Variants in SLC26A7 observed in about 807,000 individuals in gnomAD.
SLC26A7 encodes the protein solute carrier family 26 member 7.
In SLC26A7, 59 loss-of-function variants were observed where a neutral mutation model predicts 82.5. The observed-to-expected ratio is 0.72, with a 90% confidence interval of 0.58 to 0.89. The LOEUF (loss-of-function observed/expected upper bound fraction) is 0.89. SLC26A7 is among the 40% of genes least tolerant of loss of function. The pLI, the probability that SLC26A7 is intolerant of heterozygous loss-of-function variation, is 0.00. For missense variants in SLC26A7, 820 were observed against 793.0 expected, an observed-to-expected ratio of 1.03 and a Z score of -0.41; for synonymous variants, 271 against 274.3, an observed-to-expected ratio of 0.99 and a Z score of 0.12.
At chr8:91,341,103 C>T (rs1364846364) in intron 8 of SLC26A7, among the ~76,000 whole-genome samples, 1 of 151,818 alleles carries the variant, frequency 6.6e-6, no homozygotes, top group Non-Finnish European at 1.5e-5. Flanking sequence ...CGTCATCTAG[C>T]GTTAGGTATA....
chr8:91,274,125 G>C (rs1811343773), intron 2 of SLC26A7, among the ~76,000 whole-genome samples: 1 of 152,076 alleles, frequency 6.6e-6, no homozygotes, highest in Non-Finnish European at 1.5e-5. Flanking sequence ...AAACAAATGA[G>C]AGAATATAAG....
intron 5 of SLC26A7, among the ~76,000 whole-genome samples, chr8:91,324,746 C>A (rs1329036837): frequency 6.6e-6 from 1 of 152,004 alleles, no homozygotes; most frequent in Admixed American, 6.6e-5. Context: ...GGAAACAAGG[C>A]GGTGTGATTG....
intron 11 of SLC26A7, among the ~76,000 whole-genome samples, chr8:91,360,679 T>C (rs1235757165): frequency 6.6e-6 from 1 of 152,176 alleles, no homozygotes; most frequent in Non-Finnish European, 1.5e-5. Context: ...CTCCAGGCTC[T>C]ATGGTTTTTT....
At chr8:91,355,283 T>A (rs565556466) in intron 11 of SLC26A7, among the ~76,000 whole-genome samples, 1 of 152,268 alleles carries the variant, frequency 6.6e-6, no homozygotes, top group East Asian at 1.9e-4. Flanking sequence ...AGTCTCAAAT[T>A]TCTGAGCATG....
At chr8:91,313,888 A>C (rs1185364121) in intron 4 of SLC26A7, among the ~76,000 whole-genome samples, 1 of 152,220 alleles carries the variant, frequency 6.6e-6, no homozygotes, top group Non-Finnish European at 1.5e-5. Context: ...GGCTAATATA[A>C]TTGTTTCCTA....
At chr8:91,339,450 C>T (rs1813338654) in intron 7 of SLC26A7, among the ~76,000 whole-genome samples, 1 of 152,054 alleles carries the variant, frequency 6.6e-6, no homozygotes, top group Non-Finnish European at 1.5e-5. Context: ...AAATAAATTA[C>T]CTAACCTTTC....
At chr8:91,390,167 G>A (rs1177438255) in intron 16 of SLC26A7, among the ~76,000 whole-genome samples, 2 of 149,808 alleles carry the variant, frequency 1.3e-5, no homozygotes, top group African/African-American at 5.0e-5. Flanking sequence ...CTGGAGTGCA[G>A]TGGCGCGATC....
intron 13 of SLC26A7, 143 bp downstream of exon 13, chr8:91,363,681 G>A: frequency 2.1e-6 from 1 of 469,408 alleles, no homozygotes. Context: ...TGGTACATAT[G>A]TGATCACAAT....
chr8:91,218,386 G>T (rs981438959), intron 1 of SLC26A7, among the ~76,000 whole-genome samples: 28 of 80,612 alleles, frequency 3.5e-4, no homozygotes, highest in Non-Finnish European at 6.7e-4. Flanking sequence ...TTTAATTCAT[G>T]TATTAGGCAA....
Position 91,298,054 on chromosome 8 carries a change from GC to G in SLC26A7, c.477+2352del, listed in dbSNP as rs549484086. Among the ~76,000 whole-genome samples, 17 of 152,196 alleles carry G rather than the reference GC, an allele frequency of 1.1e-4. 1 individual carries two copies. The South Asian group carries it at 2.5e-3, about 22-fold the overall frequency. ...GGCTTACACCATAAAGATATTTATT[GC>G]TTCTTGTATTACAGGAAGTTATAGA... On this transcript the variant is annotated intron_variant, in intron 4 of 18. Coordinates refer to ENST00000276609, the MANE Select transcript of SLC26A7 (RefSeq NM_052832.4).
chr8:91,372,411 A>G (rs1814389695), intron 15 of SLC26A7, among the ~76,000 whole-genome samples: 1 of 151,996 alleles, frequency 6.6e-6, no homozygotes, highest in Admixed American at 6.6e-5. Flanking sequence ...ATTTTTGTAT[A>G]TGATGGAAGT....
rs545792810 is a variant in SLC26A7 at position 91,331,083 on chromosome 8, C to T, written c.643-3212C>T. ...AAGGTGCATGTCTGTGTTCTAATCT[C>T]TTCTCAGTCATTTTGGATTAGGGCC... On this transcript the variant is annotated intron_variant, in intron 5 of 18. Transcript: ENST00000276609. 2.0e-5 allele frequency among the ~76,000 whole-genome samples: 3 copies of T among 152,148 alleles called. No homozygotes were observed. The South Asian group carries it at 6.2e-4, about 32-fold the overall frequency.
chr8:91,352,816 CA>C, intron 10 of SLC26A7, 84 bp from the exon 11 acceptor site: 3 of 1,116,128 alleles, frequency 2.7e-6, no homozygotes, highest in South Asian at 1.4e-5. Context: ...ACTTTAAAAA[CA>C]AAAAAATAAA....
At chr8:91,250,747 C>T (rs1014700647) in intron 2 of SLC26A7, among the ~76,000 whole-genome samples, 28 of 152,028 alleles carry the variant, frequency 1.8e-4, no homozygotes, top group Admixed American at 1.2e-3. Flanking sequence ...ATTATAAGCA[C>T]TCTTTTAATT....
intron 2 of SLC26A7, among the ~76,000 whole-genome samples, chr8:91,221,887 G>GTT (rs201824363): frequency 2.6e-5 from 4 of 151,552 alleles, no homozygotes; most frequent in African/African-American, 9.7e-5. Context: ...ATTTAAAATA[G>GTT]TTTTTTTTTA....
chr8:91,313,532 A>G (rs908107077), intron 4 of SLC26A7, among the ~76,000 whole-genome samples: 2 of 152,226 alleles, frequency 1.3e-5, no homozygotes, highest in African/African-American at 4.8e-5. Context: ...TCTTTCCCCC[A>G]AACCTGAATA....
At chr8:91,308,531 A>G (rs574906877) in intron 4 of SLC26A7, among the ~76,000 whole-genome samples, 1 of 152,260 alleles carries the variant, frequency 6.6e-6, no homozygotes, top group South Asian at 2.1e-4. Flanking sequence ...CTGAGGTAGT[A>G]CTTGTCAGTT....
At chr8:91,220,235 A>C (rs929243724) in intron 2 of SLC26A7, among the ~76,000 whole-genome samples, 2 of 152,190 alleles carry the variant, frequency 1.3e-5, no homozygotes, top group Admixed American at 1.3e-4. Flanking sequence ...AAAACCAAGT[A>C]CAAATGAGCT....
In SLC26A7 at chr8:91,396,930, A is replaced by G. The variant is rs1430567146; in HGVS notation, c.*1833A>G. 6.6e-6 allele frequency: 1 copy of G among 152,114 alleles called. No individual in the cohort carries two copies. The highest frequency in any genetic ancestry group is 1.5e-5 in the Non-Finnish European group (1 of 67,946). The allele number at this position is 152,114 out of a possible 1,614,324, so 9.4% of individuals were successfully genotyped here. On this transcript the variant is annotated 3_prime_UTR_variant, in exon 19 of 19. Transcript: ENST00000276609. ...GCTGTGTATAAATTGATATTTTGCT[A>G]TGCAACTCCTGTAATTGAATTTGTA...
Sources: allele counts gnomAD v4.1 joint callset (sites outside exome capture counted in the v4.1 genomes callset), GRCh38; gene constraint gnomAD v4.1.1; transcripts MANE v1.5; gene names NCBI Gene and HGNC (gene_info 2026-07-23, HGNC 2026-07-21).